The following HBS1L variants were observed in gnomAD, a reference collection of about 807,000 sequenced individuals.
HBS1L encodes the protein HBS1 like translational GTPase.
A neutral mutation model predicts 88.9 loss-of-function variants in HBS1L; 55 were observed. The ratio of observed to expected loss-of-function variants is 0.62; its 90% confidence interval spans 0.50 to 0.77. The LOEUF (loss-of-function observed/expected upper bound fraction) is 0.77, where lower values mean the gene tolerates loss of function less well. HBS1L is among the 30% of genes least tolerant of loss of function. The probability of loss-of-function intolerance (pLI) is 0.00; values close to 1 mark genes in which losing one functional copy is unlikely to be tolerated. For synonymous variants in HBS1L, 267 were observed against 288.5 expected, an observed-to-expected ratio of 0.93 and a Z score of 0.76; for missense variants, 741 against 829.3, an observed-to-expected ratio of 0.89 and a Z score of 1.31.
chr6:135,011,995 C>G (rs556210306), intron 4 of HBS1L, among the ~76,000 whole-genome samples: 1 of 147,030 alleles, frequency 6.8e-6, no homozygotes, highest in African/African-American at 2.5e-5. Flanking sequence ...TGGGCCAGGT[C>G]AATAAACACA....
intron 4 of HBS1L, among the ~76,000 whole-genome samples, chr6:135,007,371 T>C (rs905763026): frequency 1.3e-5 from 2 of 152,166 alleles, no homozygotes; most frequent in African/African-American, 4.8e-5. Flanking sequence ...TGGGGCATTC[T>C]TCATAGAAAA....
Position 134,978,678 on chromosome 6 carries a change from C to T in HBS1L, c.1797+1G>A. On this transcript the variant is annotated splice_donor_variant, in intron 15 of 17. Transcript: ENST00000367837. LOFTEE classifies it high-confidence loss of function. ...GAATAATAAAACATTTTGGAACTTA[C>T]AGGAAATCCTTTAGTGATAGGAATT... 6.6e-7 allele frequency: 1 copy of T among 1,505,722 alleles called. No individual in the cohort carries two copies. The highest frequency in any genetic ancestry group is 9.1e-7 in the Non-Finnish European group (1 of 1,098,184). The allele number at this position is 1,505,722 out of a possible 1,614,324, so 93.3% of individuals were successfully genotyped here.
intron 15 of HBS1L, among the ~76,000 whole-genome samples, chr6:134,971,279 T>C (rs772001433): frequency 1.3e-5 from 2 of 152,228 alleles, no homozygotes; most frequent in Non-Finnish European, 2.9e-5. Context: ...GAAACACCTG[T>C]GTGCATTCAA....
At chr6:135,018,866 G>C (rs1239544633) in intron 4 of HBS1L, among the ~76,000 whole-genome samples, 1 of 151,680 alleles carries the variant, frequency 6.6e-6, no homozygotes, top group East Asian at 1.9e-4. Context: ...AACTCTCTCT[G>C]AGAGATCTCA....
intron 4 of HBS1L, among the ~76,000 whole-genome samples, chr6:135,016,628 T>C (rs771044035): frequency 1.4e-4 from 22 of 152,222 alleles, no homozygotes; most frequent in Non-Finnish European, 2.8e-4. Context: ...ACCAAAATGA[T>C]GTAACTTGCA....
chr6:134,976,829 A>C (rs1475053055), intron 15 of HBS1L, among the ~76,000 whole-genome samples: 2 of 152,024 alleles, frequency 1.3e-5, no homozygotes, highest in Non-Finnish European at 2.9e-5. Context: ...TGATGGGTGC[A>C]CTAAAATCTT....
chr6:135,029,273 C>G (rs1322588042), intron 4 of HBS1L, among the ~76,000 whole-genome samples: 1 of 151,984 alleles, frequency 6.6e-6, no homozygotes, highest in Non-Finnish European at 1.5e-5. Flanking sequence ...AATGACCTGA[C>G]ACACTAGAAA....
chr6:134,970,486 C>T (rs901063162), intron 15 of HBS1L, among the ~76,000 whole-genome samples: 11 of 152,162 alleles, frequency 7.2e-5, no homozygotes, highest in Non-Finnish European at 1.2e-4. Flanking sequence ...CCTCTGGTTC[C>T]TTATCACTGA....
chr6:135,049,727 A>G (rs1350547512), intron 2 of HBS1L, among the ~76,000 whole-genome samples: 1 of 152,124 alleles, frequency 6.6e-6, no homozygotes, highest in Non-Finnish European at 1.5e-5. Flanking sequence ...ACTCGCCACC[A>G]TGCCTGGCTA....
chr6:135,054,003 T>C (rs1777166404), intron 1 of HBS1L, among the ~76,000 whole-genome samples: 1 of 152,248 alleles, frequency 6.6e-6, no homozygotes, highest in South Asian at 2.1e-4. Flanking sequence ...TACATTTATA[T>C]CAAGCATTAC....
At chr6:134,968,066 G>T (rs1045606949) in intron 16 of HBS1L, among the ~76,000 whole-genome samples, 14 of 152,072 alleles carry the variant, frequency 9.2e-5, no homozygotes, top group Non-Finnish European at 1.8e-4. Flanking sequence ...CTTGCAGTCA[G>T]CCTATTAACC....
chr6:134,981,825 A>AAT (rs1583069510), intron 13 of HBS1L, among the ~76,000 whole-genome samples: 11 of 151,900 alleles, frequency 7.2e-5, no homozygotes, highest in Admixed American at 7.2e-4. Context: ...CATATACATA[A>AAT]ATATATATAT....
At chr6:135,052,135 T>C (rs772118328) in intron 1 of HBS1L, among the ~76,000 whole-genome samples, 1 of 152,160 alleles carries the variant, frequency 6.6e-6, no homozygotes, top group African/African-American at 2.4e-5. Context: ...AACAGCATGC[T>C]CAAAGGCTGA....
At chr6:135,000,222 ATTTT>A (rs33946758) in intron 5 of HBS1L, among the ~76,000 whole-genome samples, 1 of 129,442 alleles carries the variant, frequency 7.7e-6, no homozygotes, top group Non-Finnish European at 1.5e-5. Context: ...TACCCAGCTA[ATTTT>A]TTTTTTTTTT....
chr6:134,976,590 T>A (rs1222344489), intron 15 of HBS1L, among the ~76,000 whole-genome samples: 1 of 152,076 alleles, frequency 6.6e-6, no homozygotes, highest in East Asian at 1.9e-4. Context: ...GTAGAGATAG[T>A]GTGTTTTGCA....
rs996157989 is a variant in HBS1L at position 134,963,915 on chromosome 6, A to G, written c.*1364T>C. The G allele has an allele frequency of 2.2e-5, 3 of 134,790 alleles. No homozygotes were observed. The highest frequency in any genetic ancestry group is 3.4e-5 in the Non-Finnish European group (2 of 58,208). The allele number at this position is 134,790 out of a possible 1,614,324, so 8.3% of individuals were successfully genotyped here. ...ACTTGAAGTTAGATTTCTGTCACAT[A>G]TATCTGTTAAATTCTTGATTAATAT... On this transcript the variant is annotated 3_prime_UTR_variant, in exon 18 of 18. Coordinates refer to ENST00000367837, the MANE Select transcript of HBS1L (RefSeq NM_006620.4).
chr6:134,983,778 G>A (rs1774899711), intron 12 of HBS1L, among the ~76,000 whole-genome samples: 1 of 152,140 alleles, frequency 6.6e-6, no homozygotes, highest in Non-Finnish European at 1.5e-5. Flanking sequence ...AAAGGAACTT[G>A]AAGACTAAGA....
intron 4 of HBS1L, chr6:135,037,754 A>C: frequency 6.4e-7 from 1 of 1,550,962 alleles, no homozygotes; most frequent in Non-Finnish European, 8.7e-7. Context: ...CTTTCACAGG[A>C]ATCTCTTGAC....
intron 8 of HBS1L, among the ~76,000 whole-genome samples, chr6:134,990,968 G>A (rs1438232411): frequency 6.6e-6 from 1 of 151,876 alleles, no homozygotes; most frequent in Non-Finnish European, 1.5e-5. Flanking sequence ...GTGCTTTGTA[G>A]GCATTGCATT....
Sources: gnomAD v4.1 joint callset for allele counts (sites outside exome capture counted in the v4.1 genomes callset) on GRCh38, gnomAD v4.1.1 for gene constraint, MANE v1.5 for transcripts, NCBI Gene and HGNC (gene_info 2026-07-23, HGNC 2026-07-21) for gene names.